SUMF1: variants seen among roughly 807,000 people sequenced by gnomAD.
The protein encoded by SUMF1 is sulfatase modifying factor 1, also known as formylglycine-generating enzyme.
Under a neutral mutation model 47.6 loss-of-function variants are expected in SUMF1, and 48 were observed. The observed-to-expected ratio is 1.01, with a 90% confidence interval of 0.80 to 1.28. SUMF1 has a LOEUF of 1.28. Among genes scored for constraint, SUMF1 ranks in the 50% most tolerant of loss-of-function variants. The pLI is 0.00. For missense variants in SUMF1, 571 were observed against 485.4 expected, an observed-to-expected ratio of 1.18 and a Z score of -1.66; for synonymous variants, 230 against 192.1, an observed-to-expected ratio of 1.20 and a Z score of -1.63.
chr3:4,333,617 G>C (rs1406995293), intron 8 of SUMF1, among the ~76,000 whole-genome samples: 1 of 152,126 alleles, frequency 6.6e-6, no homozygotes, highest in Non-Finnish European at 1.5e-5. Context: ...TGCTTCCACA[G>C]TGCACCTCAC....
At chr3:4,254,097 C>T (rs1428570045) in intron 8 of SUMF1, among the ~76,000 whole-genome samples, 2 of 151,780 alleles carry the variant, frequency 1.3e-5, no homozygotes, top group African/African-American at 4.8e-5. Flanking sequence ...GACATCCACA[C>T]CGAAAACCCA....
chr3:4,360,826 T>G (rs546681690), downstream of SUMF1, among the ~76,000 whole-genome samples: 1 of 152,230 alleles, frequency 6.6e-6, no homozygotes, highest in Non-Finnish European at 1.5e-5. Flanking sequence ...GGACCTTAGG[T>G]TGAAAGCTAT....
At chr3:4,070,162 T>C (rs981430039) in intron 8 of SUMF1, among the ~76,000 whole-genome samples, 2 of 152,190 alleles carry the variant, frequency 1.3e-5, no homozygotes, top group Non-Finnish European at 2.9e-5. Context: ...GCTCCCACTT[T>C]GAGTTGTCCC....
chr3:4,351,035 G>A (rs1216346760), intron 8 of SUMF1, among the ~76,000 whole-genome samples: 2 of 152,084 alleles, frequency 1.3e-5, no homozygotes, highest in Admixed American at 6.6e-5. Context: ...ACCACTCCAC[G>A]GAAAACCATA....
chr3:4,318,891 G>C lies in SUMF1; in HGVS notation c.1014+57439C>G, dbSNP rs148893320. The stretch of plus-strand genomic sequence containing the variant: ...ACTGCACTCCAGTCCAGGTGACAGA[G>C]TGAGACTGCCTCTCAAAAAAACACA... On this transcript the variant is annotated intron_variant and NMD_transcript_variant, in intron 8 of 12. Transcript: ENST00000448413. Among the ~76,000 whole-genome samples, 1,286 of 152,218 alleles carry C rather than the reference G, an allele frequency of 8.4e-3. 15 individuals are homozygous for C. Among genetic ancestry groups the C allele is most frequent in the African/African-American group, 0.03 (1,233 of 41,526 alleles).
chr3:4,034,699 G>C (rs991805880), intron 9 of SUMF1, among the ~76,000 whole-genome samples: 4 of 151,994 alleles, frequency 2.6e-5, no homozygotes, highest in Non-Finnish European at 5.9e-5. Context: ...GAAGTACTGA[G>C]ATAAAAATTC....
intron 8 of SUMF1, among the ~76,000 whole-genome samples, chr3:4,247,584 G>C (rs1696698550): frequency 6.6e-6 from 1 of 152,116 alleles, no homozygotes; most frequent in African/African-American, 2.4e-5. Context: ...GATTTGTAGT[G>C]CTAGCGGGGG....
In SUMF1 at chr3:4,167,114, A is replaced by C. The variant is rs2629241; in HGVS notation, c.1015-98369T>G. ...GTTGGTTCCTTCTGGTGGGTTCATGATCTCACTAACTTCAAGAATGAAGCC... is the reference window on the plus strand; with the variant it reads ...GTTGGTTCCTTCTGGTGGGTTCATGCTCTCACTAACTTCAAGAATGAAGCC... On this transcript the variant is annotated intron_variant and NMD_transcript_variant, in intron 8 of 12. Transcript: ENST00000448413. Among the ~76,000 whole-genome samples, 340 of 151,998 alleles carry C rather than the reference A, an allele frequency of 2.2e-3. 5 individuals are homozygous for C. The highest frequency in any genetic ancestry group is 8.0e-3 in the African/African-American group (333 of 41,422).
chr3:4,273,878 T>C (rs908433460), intron 8 of SUMF1, among the ~76,000 whole-genome samples: 1 of 124,374 alleles, frequency 8.0e-6, no homozygotes, highest in Non-Finnish European at 1.7e-5. Flanking sequence ...ATGTTCCTGG[T>C]GGCCGACTCT....
In SUMF1 at chr3:4,310,140, C is replaced by T. The variant is rs537641450; in HGVS notation, c.1014+66190G>A. Among the ~76,000 whole-genome samples, 18 of 152,248 alleles carry T rather than the reference C, an allele frequency of 1.2e-4. No individual in the cohort carries two copies. The South Asian group carries it at 3.7e-3, about 32-fold the overall frequency. ...CTGTATTCTAATCTTACAGGACTAC[C>T]ATTGTATATGCATATATGTGGTCTG... is the stretch of plus-strand genomic sequence containing the variant. On this transcript the variant is annotated intron_variant and NMD_transcript_variant, in intron 8 of 12. Coordinates refer to the SUMF1 transcript ENST00000448413.
chr3:4,147,903 G>C (rs183733231), intron 8 of SUMF1, among the ~76,000 whole-genome samples: 38 of 152,232 alleles, frequency 2.5e-4, no homozygotes, highest in African/African-American at 8.2e-4. Context: ...TGATGGCTCA[G>C]CAGGAATCAG....
chr3:4,100,922 T>C (rs994353387), intron 8 of SUMF1, among the ~76,000 whole-genome samples: 14 of 152,002 alleles, frequency 9.2e-5, no homozygotes, highest in Non-Finnish European at 1.8e-4. Flanking sequence ...TCTCTAATCA[T>C]CAGAGAAATG....
intron 8 of SUMF1, among the ~76,000 whole-genome samples, chr3:4,273,231 A>G (rs540717893): frequency 6.4e-4 from 98 of 152,170 alleles, no homozygotes; most frequent in African/African-American, 2.3e-3. Flanking sequence ...AGGAATGTTC[A>G]TAATAGCATT....
intron 8 of SUMF1, 91 bp from the exon 9 acceptor site, chr3:4,362,345 A>G: frequency 1.9e-6 from 2 of 1,050,630 alleles, no homozygotes; most frequent in Non-Finnish European, 1.5e-6. Context: ...GGCTGTAGAC[A>G]GTGCTTCCCC....
chr3:4,393,599 C>T (rs1245982375), intron 7 of SUMF1, among the ~76,000 whole-genome samples: 1 of 152,044 alleles, frequency 6.6e-6, no homozygotes, highest in Non-Finnish European at 1.5e-5. Context: ...TCCCAAAGCA[C>T]TGGTATTACA....
chr3:4,409,532 T>C (rs1701477082), intron 7 of SUMF1, among the ~76,000 whole-genome samples: 1 of 152,200 alleles, frequency 6.6e-6, no homozygotes, highest in African/African-American at 2.4e-5. Context: ...TCTAAGGCCT[T>C]GTGCACCCCC....
intron 8 of SUMF1, among the ~76,000 whole-genome samples, chr3:4,334,305 A>AT (rs1219359132): frequency 2.6e-5 from 4 of 152,128 alleles, no homozygotes; most frequent in East Asian, 1.9e-4. Flanking sequence ...CAAACGGTTG[A>AT]TTTTTTTGCT....
intron 8 of SUMF1, among the ~76,000 whole-genome samples, chr3:4,352,731 TAAAA>T (rs34628235): frequency 1.6e-3 from 172 of 108,218 alleles, no homozygotes; most frequent in African/African-American, 3.2e-3. Flanking sequence ...TTGCTGCGTG[TAAAA>T]AAAAAAAAAA....
chr3:4,099,916 T>C (rs1692993358), intron 8 of SUMF1, among the ~76,000 whole-genome samples: 1 of 151,648 alleles, frequency 6.6e-6, no homozygotes, highest in East Asian at 1.9e-4. Flanking sequence ...ATGTGTATAC[T>C]GAAAACTACA....
Sources: gnomAD v4.1 joint callset for allele counts (sites outside exome capture counted in the v4.1 genomes callset) on GRCh38, gnomAD v4.1.1 for gene constraint, MANE v1.5 for transcripts, NCBI Gene and HGNC (gene_info 2026-07-23, HGNC 2026-07-21) for gene names.